Variants in FHIT observed in about 807,000 individuals in gnomAD.
FHIT encodes bis(5'-adenosyl)-triphosphatase.
FHIT carries 19 observed loss-of-function variants against 17.9 expected under a neutral mutation model. The ratio of observed to expected loss-of-function variants is 1.06; its 90% CI spans 0.74 to 1.56. The LOEUF is 1.56. Ranked by LOEUF, FHIT falls within the 40% of genes most tolerant of loss-of-function variation. The pLI, the probability that FHIT is intolerant of heterozygous loss-of-function variation, is 0.00. For synonymous variants in FHIT, 81 were observed against 69.7 expected (o/e 1.16, Z -0.81); for missense variants, 248 against 189.2 (o/e 1.31, Z -1.82).
chr3:61,038,404 A>G (rs1174359749), intron 3 of FHIT, among the ~76,000 whole-genome samples: 6 of 152,248 alleles, frequency 3.9e-5, no homozygotes, highest in Non-Finnish European at 7.3e-5. Context: ...CTGCTTCTAT[A>G]ACAAGTCTAC....
At chr3:61,039,581 T>C (rs1314371324) in intron 3 of FHIT, among the ~76,000 whole-genome samples, 1 of 152,130 alleles carries the variant, frequency 6.6e-6, no homozygotes, top group Non-Finnish European at 1.5e-5. Flanking sequence ...GAAACCATCA[T>C]TCTCAGCAAA....
In FHIT at chr3:59,922,028, T is replaced by C. The variant is rs557794315; in HGVS notation, c.348+318A>G. ...TGCTTGATTTCCAGTGGTAGCACTG[T>C]AGGTTTTCTTCTATGGAGATTCTGG... On this transcript the variant is annotated intron_variant, in intron 8 of 9. Coordinates refer to ENST00000492590, the MANE Select transcript of FHIT (RefSeq NM_002012.4). Among the ~76,000 whole-genome samples, 16 of 152,332 alleles carry C rather than the reference T, an allele frequency of 1.1e-4. No homozygotes were observed. The East Asian group carries it at 2.7e-3, about 26-fold the overall frequency.
intron 5 of FHIT, among the ~76,000 whole-genome samples, chr3:60,115,468 G>A (rs1704914797): frequency 6.6e-6 from 1 of 152,002 alleles, no homozygotes; most frequent in African/African-American, 2.4e-5. Context: ...AATTTTGTTG[G>A]AAAAATAGGC....
intron 3 of FHIT, among the ~76,000 whole-genome samples, chr3:61,036,959 C>T (rs113667944): frequency 2.2e-4 from 32 of 146,424 alleles, no homozygotes; most frequent in African/African-American, 7.7e-4. Context: ...TCGCCTAGGC[C>T]GGAGTGCAGT....
chr3:60,025,958 A>C (rs993434059), intron 5 of FHIT, among the ~76,000 whole-genome samples: 9 of 152,204 alleles, frequency 5.9e-5, no homozygotes, highest in African/African-American at 2.2e-4. Context: ...AACTTTTTCA[A>C]GATAGTGATT....
intron 4 of FHIT, among the ~76,000 whole-genome samples, chr3:60,552,106 T>A (rs1195327297): frequency 1.3e-5 from 2 of 152,170 alleles, no homozygotes; most frequent in African/African-American, 2.4e-5. Flanking sequence ...CTTTTATGTG[T>A]AGCTTATTTC....
At chr3:60,052,067 A>C (rs1701902078) in intron 5 of FHIT, among the ~76,000 whole-genome samples, 1 of 152,138 alleles carries the variant, frequency 6.6e-6, no homozygotes, top group African/African-American at 2.4e-5. Flanking sequence ...GTCATACCCC[A>C]TATTCACTCT....
chr3:61,030,590 A>T (rs538226460), intron 3 of FHIT, among the ~76,000 whole-genome samples: 1 of 152,226 alleles, frequency 6.6e-6, no homozygotes, highest in East Asian at 1.9e-4. Flanking sequence ...AGATCTTTGT[A>T]CTCACAAAGT....
intron 2 of FHIT, among the ~76,000 whole-genome samples, chr3:61,047,299 C>A (rs1354884436): frequency 7.9e-5 from 12 of 152,168 alleles, no homozygotes; most frequent in Admixed American, 6.5e-4. Flanking sequence ...GATACAAAAT[C>A]AATGTGCAAA....
chr3:61,183,748 T>C (rs1158718396), intron 2 of FHIT, among the ~76,000 whole-genome samples: 1 of 152,100 alleles, frequency 6.6e-6, no homozygotes, highest in Non-Finnish European at 1.5e-5. Flanking sequence ...GGAATAATGG[T>C]CCACAATGTC....
intron 5 of FHIT, among the ~76,000 whole-genome samples, chr3:60,486,164 G>T (rs1039482635): frequency 1.3e-5 from 2 of 151,938 alleles, no homozygotes. Context: ...TTTGATAGAG[G>T]ATACAGTAAA....
chr3:60,224,933 C>A (rs575675457), intron 5 of FHIT, among the ~76,000 whole-genome samples: 1 of 151,940 alleles, frequency 6.6e-6, no homozygotes, highest in African/African-American at 2.4e-5. Flanking sequence ...TTTGGCCAGA[C>A]TGGTCTCGAA....
intron 5 of FHIT, among the ~76,000 whole-genome samples, chr3:60,303,100 G>A (rs1026783860): frequency 3.9e-5 from 6 of 152,148 alleles, no homozygotes; most frequent in Admixed American, 1.3e-4. Flanking sequence ...CATCGAGACT[G>A]ACAACTGCCA....
intron 2 of FHIT, among the ~76,000 whole-genome samples, chr3:61,143,103 C>G (rs2037132197): frequency 6.6e-6 from 1 of 151,928 alleles, no homozygotes. Context: ...TGTGAAGATA[C>G]AAGTTTGAGG....
intron 5 of FHIT, among the ~76,000 whole-genome samples, chr3:60,140,545 A>G (rs893479036): frequency 7.2e-5 from 11 of 151,760 alleles, no homozygotes; most frequent in Non-Finnish European, 1.3e-4. Context: ...TGGAGGAATC[A>G]GAGCCCATGG....
At chr3:60,801,987 A>G (rs1318093470) in intron 4 of FHIT, among the ~76,000 whole-genome samples, 1 of 152,214 alleles carries the variant, frequency 6.6e-6, no homozygotes, top group Non-Finnish European at 1.5e-5. Context: ...AATCATTAAG[A>G]AGTATCATTC....
intron 5 of FHIT, among the ~76,000 whole-genome samples, chr3:60,041,969 T>A (rs553028993): frequency 6.6e-6 from 1 of 152,324 alleles, no homozygotes; most frequent in Non-Finnish European, 1.5e-5. Flanking sequence ...AAATCCACAT[T>A]TTAAAGAAGT....
intron 7 of FHIT, among the ~76,000 whole-genome samples, chr3:59,944,791 TC>T (rs1706716102): frequency 6.6e-6 from 1 of 152,166 alleles, no homozygotes; most frequent in Non-Finnish European, 1.5e-5. Context: ...GGTTTTCTGT[TC>T]CTATGTTAAT....
In FHIT at chr3:60,978,499, G is replaced by T. The variant is rs753876913; in HGVS notation, c.-111+63548C>A. Among the ~76,000 whole-genome samples, 3 of 152,124 alleles carry T rather than the reference G, an allele frequency of 2.0e-5. No homozygotes were observed. In the East Asian group the frequency reaches 5.8e-4, roughly 29 times the overall value. ...CTACTTCTCCTTTTTTCAGGGGCCT[G>T]CAGTAAAGAGAAATAAAGCATGACA... On this transcript the variant is annotated intron_variant, in intron 3 of 9. Transcript: ENST00000492590.
Sources: allele counts gnomAD v4.1 joint callset (sites outside exome capture counted in the v4.1 genomes callset), GRCh38; gene constraint gnomAD v4.1.1; transcripts MANE v1.5; gene names NCBI Gene and HGNC (gene_info 2026-07-23, HGNC 2026-07-21).